Variants in PARP14 observed in about 807,000 individuals in gnomAD.
PARP14 encodes poly(ADP-ribose) polymerase family member 14, also known as protein mono-ADP-ribosyltransferase PARP14.
Under a neutral mutation model 154.2 loss-of-function variants are expected in PARP14, and 59 were observed. The ratio of observed to expected loss-of-function variants is 0.38; its 90% CI spans 0.31 to 0.48. PARP14 has a LOEUF of 0.48. Among genes scored for constraint, PARP14 ranks in the 20% least tolerant of loss-of-function variants. The pLI is 0.98. For synonymous variants in PARP14, 720 were observed against 780.5 expected (o/e 0.92, Z 1.29); for missense variants, 1,734 against 2,131.6 (o/e 0.81, Z 3.67).
At position 122,700,915 on chromosome 3, in the gene PARP14, CG is replaced by C. The variant is rs747052708; in HGVS notation, c.2362del (p.Ala788LeufsTer17). 2 of 1,613,852 alleles carry C rather than the reference CG, an allele frequency of 1.2e-6. No individual in the cohort carries two copies. Among genetic ancestry groups the C allele is most frequent in the African/African-American group, 2.7e-5 (2 of 74,934 alleles). On this transcript the variant is annotated frameshift_variant, in exon 6 of 17. Coordinates refer to ENST00000474629, the MANE Select transcript of PARP14 (RefSeq NM_017554.3). LOFTEE classifies it high-confidence loss of function. ...AAGTAATGAAGGAGGGAGGCAGCCCCGCTGGGCAGAAGTGCTTCTCTCGGAC... is the reference window on the plus strand; with the variant it reads ...AAGTAATGAAGGAGGGAGGCAGCCCCCTGGGCAGAAGTGCTTCTCTCGGAC... ...NEVMKEGGSP[A>X]GQKCFSRTVL...
rs1157883987 is a variant in PARP14, at chr3:122,692,445, T to C, written c.500T>C (p.Leu167Ser). The change falls in exon 4 of 17, where the codon TTG (leucine) becomes TCG (serine). Residue 167 changes from leucine to serine, a missense_variant. Transcript: ENST00000474629. The stretch of plus-strand genomic sequence containing the variant: ...AATGTGACTGACATAATGCTAATCT[T>C]GTTAGTGGAGAACATAAGTGGCCTG... ...KANVTDIMLI[L>S]LVENISGLSN... The C allele has an allele frequency of 1.9e-6, 3 of 1,613,656 alleles. No homozygotes were observed. Among genetic ancestry groups the C allele is most frequent in the Admixed American group, 3.3e-5 (2 of 59,982 alleles).
rs1938239029 is a variant in PARP14, at chr3:122,682,425, T to G, written c.187+1355T>G. Among the ~76,000 whole-genome samples, 5 of 152,126 alleles carry G rather than the reference T, an allele frequency of 3.3e-5. No homozygotes were observed. In the South Asian group the frequency reaches 1.0e-3, roughly 32 times the overall value. ...TTTAGAGATTCAGGTTCAGTGAATG[T>G]GGGGTGGGTGGGAAGCGTGTATTTA... On this transcript the variant is annotated intron_variant, in intron 1 of 16. Coordinates refer to ENST00000474629, the MANE Select transcript of PARP14 (RefSeq NM_017554.3).
chr3:122,694,374 A>G (rs888668171), intron 4 of PARP14, among the ~76,000 whole-genome samples: 6 of 152,194 alleles, frequency 3.9e-5, no homozygotes, highest in Admixed American at 6.5e-5. Flanking sequence ...GATTCCCAGT[A>G]TTAGTCTTCC....
At chr3:122,721,103 T>C (rs1032214403) in intron 15 of PARP14, 1 of 337,078 alleles carries the variant, frequency 3.0e-6, no homozygotes, top group Non-Finnish European at 5.7e-6. Flanking sequence ...CTGTTTCTCT[T>C]CCAAACCCCT....
In PARP14 at chr3:122,681,982, C is replaced by A. The variant is rs761163380; in HGVS notation, c.187+912C>A. On this transcript the variant is annotated intron_variant, in intron 1 of 16. Transcript: ENST00000474629. This position sits in a 1 kb window ranked among gnomAD's most constrained non-coding sequence, Gnocchi z 5.5. The stretch of plus-strand genomic sequence containing the variant: ...ATGTCGCTAGATTTGGAGAAGCATT[C>A]GGGCCAGAGGAGAGGCAAGGAGGCT... Among the ~76,000 whole-genome samples the A allele has an allele frequency of 6.6e-6, 1 of 152,054 alleles. No homozygotes were observed. Among genetic ancestry groups the A allele is most frequent in the Admixed American group, 6.5e-5 (1 of 15,272 alleles).
chr3:122,690,429 C>A (rs188012748), intron 3 of PARP14, among the ~76,000 whole-genome samples: 1 of 152,256 alleles, frequency 6.6e-6, no homozygotes, highest in East Asian at 1.9e-4. Context: ...GTGTGCATGG[C>A]ATGATAGCCA....
chr3:122,699,571 C>T lies in PARP14; in HGVS notation c.1017C>T (p.His339=), dbSNP rs763187413. Residue 339 remains histidine, a synonymous_variant, in exon 6 of 17, where the codon CAC becomes CAT. Transcript: ENST00000474629. ...GGAAGTTCTTACAGAAAAAGAATCA[C>T]CTCATTGAGGAGATAAACGATGAAA... ...PLWKFLQKKN[H]LIEEINDEMR... The T allele has an allele frequency of 6.2e-7, 1 of 1,613,968 alleles. No individual in the cohort carries two copies. Among genetic ancestry groups the T allele is most frequent in the Admixed American group, 1.7e-5 (1 of 60,020 alleles).
At chr3:122,714,566 C>A in intron 12 of PARP14, 137 bp downstream of exon 12, 1 of 540,278 alleles carries the variant, frequency 1.9e-6, no homozygotes, top group Non-Finnish European at 3.1e-6. Context: ...CAGCTTCCTC[C>A]CCATAAGACA....
intron 4 of PARP14, among the ~76,000 whole-genome samples, chr3:122,693,842 GA>G (rs5852310): frequency 3.8e-4 from 51 of 135,622 alleles, no homozygotes; most frequent in Non-Finnish European, 5.0e-4. Context: ...CCCCGTGTCT[GA>G]AAAAAAAAAA....
rs566473551 is a variant in PARP14 at position 122,690,454 on chromosome 3, G to T, written c.356-1847G>T. Among the ~76,000 whole-genome samples the T allele has an allele frequency of 2.6e-5, 4 of 152,200 alleles. No individual in the cohort carries two copies. The South Asian group carries it at 8.3e-4, about 32-fold the overall frequency. ...CATGATAGCCAGCACACAACAGAGT[G>T]GTCTAACTGTTGTAACAAACAACCT... On this transcript the variant is annotated intron_variant, in intron 3 of 16. Coordinates refer to ENST00000474629, the MANE Select transcript of PARP14 (RefSeq NM_017554.3).
chr3:122,709,252 T>C (rs1016555346), intron 9 of PARP14, among the ~76,000 whole-genome samples: 10 of 152,122 alleles, frequency 6.6e-5, no homozygotes, highest in African/African-American at 2.4e-4. Flanking sequence ...ATCACTCTTA[T>C]GATTTTGCAT....
intron 10 of PARP14, 107 bp from the exon 11 acceptor site, chr3:122,713,765 G>A (rs1939395446): frequency 3.3e-6 from 3 of 920,346 alleles, no homozygotes; most frequent in Non-Finnish European, 5.3e-6. Flanking sequence ...TACCCAATTA[G>A]AGGATTCCTC....
At chr3:122,711,583 T>G (rs899514774) in intron 9 of PARP14, among the ~76,000 whole-genome samples, 1 of 152,150 alleles carries the variant, frequency 6.6e-6, no homozygotes, top group African/African-American at 2.4e-5. Context: ...TATTATTAGT[T>G]TAATACTAGC....
At chr3:122,728,209 T>C in intron 16 of PARP14, 99 bp from the exon 17 acceptor site, 1 of 1,173,280 alleles carries the variant, frequency 8.5e-7, no homozygotes, top group Non-Finnish European at 1.2e-6. Flanking sequence ...CAAAAAATTT[T>C]AAGAGAGGCT....
Position 122,728,685 on chromosome 3 carries a change from T to A in PARP14, c.*88T>A. Reference sequence around the variant, plus strand: ...TTTAGCTTTTTTTTTTAATTCCTCTTAACAGATTTTTCTAATATCCAAGGA... The same window carrying A: ...TTTAGCTTTTTTTTTTAATTCCTCTAAACAGATTTTTCTAATATCCAAGGA... On this transcript the variant is annotated 3_prime_UTR_variant, in exon 17 of 17. Transcript: ENST00000474629. The A allele has an allele frequency of 9.9e-7, 1 of 1,012,612 alleles. No individual in the cohort carries two copies. The highest frequency in any genetic ancestry group is 1.5e-6 in the Non-Finnish European group (1 of 679,830). 62.7% of individuals were successfully genotyped at this position (1,012,612 alleles called of 1,614,324 possible).
chr3:122,687,449 T>A (rs1451611146), intron 3 of PARP14, among the ~76,000 whole-genome samples: 1 of 152,226 alleles, frequency 6.6e-6, no homozygotes, highest in Non-Finnish European at 1.5e-5. Flanking sequence ...AAGGACACGA[T>A]ATGTCCAAGG....
At chr3:122,704,911 G>T (rs1939104348) in intron 8 of PARP14, among the ~76,000 whole-genome samples, 163 bp downstream of exon 8, 1 of 152,146 alleles carries the variant, frequency 6.6e-6, no homozygotes, top group South Asian at 2.1e-4. Flanking sequence ...CAAATTTTAA[G>T]AAAAGTTACA....
At chr3:122,693,514 G>A (rs2107639869) in intron 4 of PARP14, among the ~76,000 whole-genome samples, 1 of 152,238 alleles carries the variant, frequency 6.6e-6, no homozygotes, top group South Asian at 2.1e-4. Context: ...TATAGTTTTT[G>A]TAAAGATTGA....
At chr3:122,694,811 C>T (rs929177804) in intron 4 of PARP14, among the ~76,000 whole-genome samples, 14 of 152,022 alleles carry the variant, frequency 9.2e-5, no homozygotes, top group Admixed American at 4.6e-4. Flanking sequence ...TGAACCACCA[C>T]GCCCGGCCAA....
Sources: gnomAD v4.1 joint callset for allele counts (sites outside exome capture counted in the v4.1 genomes callset) on GRCh38, gnomAD v4.1.1 for gene constraint, Gnocchi (gnomAD v3.1) non-coding constraint, MANE v1.5 for transcripts, NCBI Gene and HGNC (gene_info 2026-07-23, HGNC 2026-07-21) for gene names.